Variants in RYR2 observed in about 807,000 individuals in gnomAD.
RYR2 encodes ryanodine receptor 2, also known as cardiac muscle ryanodine receptor-calcium release channel.
A neutral mutation model predicts 601.1 loss-of-function variants in RYR2; 227 were observed. The ratio of observed to expected loss-of-function variants is 0.38; its 90% CI spans 0.34 to 0.42. RYR2 has a LOEUF of 0.42. RYR2 is among the 10% of genes least tolerant of loss of function. RYR2 has a pLI of 1.00. For synonymous variants in RYR2, 2,223 were observed against 2,175.1 expected (o/e 1.02, Z -0.61); for missense variants, 4,646 against 6,156.5 (o/e 0.75, Z 8.21).
intron 1 of RYR2, among the ~76,000 whole-genome samples, chr1:237,094,931 A>G (rs1667364941): frequency 6.6e-6 from 1 of 152,142 alleles, no homozygotes; most frequent in South Asian, 2.1e-4. Context: ...CCAAGCCTTC[A>G]TATATCAATT....
intron 1 of RYR2, among the ~76,000 whole-genome samples, chr1:237,112,313 C>T (rs1669571573): frequency 6.6e-6 from 1 of 152,082 alleles, no homozygotes; most frequent in Non-Finnish European, 1.5e-5. Context: ...GGGGTTTCAC[C>T]ATGTTGGTCA....
intron 1 of RYR2, among the ~76,000 whole-genome samples, chr1:237,255,010 C>T (rs1297728351): frequency 1.3e-5 from 2 of 152,168 alleles, no homozygotes; most frequent in African/African-American, 2.4e-5. Context: ...GCCTGTTCTA[C>T]TTTAGGTATG....
chr1:237,760,845 T>C lies in RYR2; in HGVS notation c.11403-110T>C, dbSNP rs1054827706. The C allele has an allele frequency of 2.1e-5, 11 of 518,978 alleles. No individual in the cohort carries two copies. The Admixed American group carries it at 2.8e-4, about 13-fold the overall frequency. 32.1% of individuals were successfully genotyped at this position (518,978 alleles called of 1,614,324 possible). On this transcript the variant is annotated intron_variant, in intron 83 of 104. Transcript: ENST00000366574. Reference sequence around the variant, plus strand: ...ATGGAGACATGTTTTCAGTGTACGTTAACATTTGCTTCATCTTCCAAGATA... The same window carrying C: ...ATGGAGACATGTTTTCAGTGTACGTCAACATTTGCTTCATCTTCCAAGATA...
chr1:237,452,271 T>C (rs927541922), intron 14 of RYR2, among the ~76,000 whole-genome samples: 1 of 123,098 alleles, frequency 8.1e-6, no homozygotes, highest in Admixed American at 9.1e-5. Context: ...ATGTTATATA[T>C]ACTATACAAT....
intron 44 of RYR2, among the ~76,000 whole-genome samples, chr1:237,636,001 T>C (rs75300597): frequency 6.7e-6 from 1 of 148,596 alleles, no homozygotes; most frequent in African/African-American, 2.5e-5. Flanking sequence ...TCCACATCCA[T>C]GCTGTGTAAA....
At chr1:237,298,943 A>G (rs1693078060) in intron 2 of RYR2, among the ~76,000 whole-genome samples, 1 of 152,138 alleles carries the variant, frequency 6.6e-6, no homozygotes, top group South Asian at 2.1e-4. Context: ...GAAGTGAGCT[A>G]TGATCATGCT....
At chr1:237,219,041 C>T (rs1390166484) in intron 1 of RYR2, among the ~76,000 whole-genome samples, 1 of 138,698 alleles carries the variant, frequency 7.2e-6, no homozygotes, top group Non-Finnish European at 1.5e-5. Context: ...TAGCTGGCGT[C>T]TCACTCTGTC....
chr1:237,343,928 C>A (rs1458970351), intron 3 of RYR2, among the ~76,000 whole-genome samples: 1 of 150,992 alleles, frequency 6.6e-6, no homozygotes, highest in South Asian at 2.1e-4. Flanking sequence ...TAAAGCGATT[C>A]TCCTGCCTCA....
At chr1:237,467,338 AT>A (rs1195628761) in intron 16 of RYR2, among the ~76,000 whole-genome samples, 2 of 151,924 alleles carry the variant, frequency 1.3e-5, no homozygotes, top group Non-Finnish European at 2.9e-5. Flanking sequence ...GACTCTTAAA[AT>A]TCAAAAACTT....
chr1:237,186,890 C>G (rs1047932363), intron 1 of RYR2, among the ~76,000 whole-genome samples: 19 of 152,328 alleles, frequency 1.2e-4, no homozygotes, highest in Non-Finnish European at 2.5e-4. Flanking sequence ...GGCTGCAGCC[C>G]GCATTGAGCA....
At chr1:237,088,168 G>T (rs1445634112) in intron 1 of RYR2, among the ~76,000 whole-genome samples, 2 of 151,876 alleles carry the variant, frequency 1.3e-5, no homozygotes, top group Non-Finnish European at 2.9e-5. Flanking sequence ...CCAATCCCAA[G>T]TGGCTTGGGG....
chr1:237,230,927 C>CAGAAAAAAAAAA, intron 1 of RYR2, among the ~76,000 whole-genome samples: 1 of 105,860 alleles, frequency 9.4e-6, no homozygotes, highest in South Asian at 3.3e-4. Context: ...AGACTCGTCT[C>CAGAAAAAAAAAA]AAAAAAAAAA....
intron 12 of RYR2, among the ~76,000 whole-genome samples, chr1:237,427,275 G>T (rs1465973113): frequency 6.6e-6 from 1 of 152,072 alleles, no homozygotes; most frequent in East Asian, 1.9e-4. Context: ...TCTAAAAAAA[G>T]GTATGAAAAC....
intron 1 of RYR2, among the ~76,000 whole-genome samples, chr1:237,245,408 G>A (rs1686709333): frequency 6.6e-6 from 1 of 152,098 alleles, no homozygotes; most frequent in Non-Finnish European, 1.5e-5. Flanking sequence ...TGTTAATGTG[G>A]AAATAAATTC....
At chr1:237,628,869 T>C (rs1377422675) in intron 41 of RYR2, among the ~76,000 whole-genome samples, 1 of 152,100 alleles carries the variant, frequency 6.6e-6, no homozygotes. Flanking sequence ...AGCTTGTCTT[T>C]ATCTATTGGG....
chr1:237,750,744 A>G (rs1490838609), intron 80 of RYR2, among the ~76,000 whole-genome samples: 1 of 152,152 alleles, frequency 6.6e-6, no homozygotes, highest in Non-Finnish European at 1.5e-5. Flanking sequence ...TTGACAATTT[A>G]TACAATAGAG....
chr1:237,432,064 A>G (rs1036374760), intron 12 of RYR2, among the ~76,000 whole-genome samples: 1 of 151,890 alleles, frequency 6.6e-6, no homozygotes, highest in Non-Finnish European at 1.5e-5. Context: ...CATGAATGAA[A>G]CAAATGCCAC....
intron 2 of RYR2, among the ~76,000 whole-genome samples, chr1:237,308,718 G>A (rs565433180): frequency 4.6e-5 from 7 of 152,356 alleles, no homozygotes; most frequent in South Asian, 2.1e-4. Flanking sequence ...CAGACCCAAA[G>A]AGTGAGCAGC....
intron 44 of RYR2, among the ~76,000 whole-genome samples, 197 bp downstream of exon 44, chr1:237,635,189 A>G (rs1403126243): frequency 6.6e-6 from 1 of 152,210 alleles, no homozygotes; most frequent in Non-Finnish European, 1.5e-5. Flanking sequence ...TATAATTTAC[A>G]TTGCACACTA....
Sources: gnomAD v4.1 joint callset for allele counts (sites outside exome capture counted in the v4.1 genomes callset) on GRCh38, gnomAD v4.1.1 for gene constraint, MANE v1.5 for transcripts, NCBI Gene and HGNC (gene_info 2026-07-23, HGNC 2026-07-21) for gene names.